Variants in DNAH9 observed in about 807,000 individuals in gnomAD.
DNAH9 encodes the protein DNAH9 variant protein.
A neutral mutation model predicts 471.6 loss-of-function variants in DNAH9; 345 were observed. The observed-to-expected ratio is 0.73, with a 90% CI of 0.67 to 0.80. DNAH9 has a LOEUF of 0.80. Among genes scored for constraint, DNAH9 ranks in the 30% least tolerant of loss-of-function variants. The probability of loss-of-function intolerance (pLI) is 0.00; values close to 1 mark genes in which losing one functional copy is unlikely to be tolerated. For missense variants in DNAH9, 5,407 were observed against 5,609.2 expected, an observed-to-expected ratio of 0.96 and a Z score of 1.15; for synonymous variants, 2,093 against 2,123.6, an observed-to-expected ratio of 0.99 and a Z score of 0.40.
In DNAH9 at chr17:11,934,495, G is replaced by T. The variant is rs571521998; in HGVS notation, c.12489+424G>T. On this transcript the variant is annotated intron_variant, in intron 65 of 68. Transcript: ENST00000262442. ...GAGTCTTGCTCTGGCGCCCAGGCTG[G>T]AGTGCAGTGGCGCTATCTCTGCTCA... is the stretch of plus-strand genomic sequence containing the variant. 6.3e-5 allele frequency among the ~76,000 whole-genome samples: 9 copies of T among 142,594 alleles called. No individual in the cohort carries two copies. The South Asian group carries it at 1.8e-3, about 29-fold the overall frequency. 93.5% of individuals were successfully genotyped at this position (142,594 alleles called of 152,430 possible).
intron 29 of DNAH9, among the ~76,000 whole-genome samples, chr17:11,739,299 G>T (rs60512924): frequency 3.9e-5 from 6 of 152,036 alleles, no homozygotes; most frequent in African/African-American, 1.4e-4. Context: ...TTTTTATTTC[G>T]TAGTCTCTCA....
intron 19 of DNAH9, among the ~76,000 whole-genome samples, 200 bp from the exon 20 acceptor site, chr17:11,689,366 G>GTGTT (rs965566752): frequency 1.4e-5 from 2 of 146,338 alleles, no homozygotes; most frequent in African/African-American, 5.0e-5. Flanking sequence ...TCCTGAGTGT[G>GTGTT]TTTTTTTTTT....
rs370222854 is a variant in DNAH9 at position 11,724,704 on chromosome 17, G to A, written c.5710-3114G>A. ...TTGCAAATGAAATGGAATAATGTAAGGCAGTGGTCCCCAACCTTTTTGGCA... is the reference window on the plus strand; with the variant it reads ...TTGCAAATGAAATGGAATAATGTAAAGCAGTGGTCCCCAACCTTTTTGGCA... On this transcript the variant is annotated intron_variant, in intron 27 of 68. Transcript: ENST00000262442. Among the ~76,000 whole-genome samples, 5 of 152,206 alleles carry A rather than the reference G, an allele frequency of 3.3e-5. No homozygotes were observed. In the South Asian group the frequency reaches 6.2e-4, roughly 19 times the overall value.
chr17:11,688,424 TGAG>T (rs1167824745), intron 19 of DNAH9, among the ~76,000 whole-genome samples: 1 of 152,070 alleles, frequency 6.6e-6, no homozygotes, highest in Non-Finnish European at 1.5e-5. Flanking sequence ...CTCATGAAGA[TGAG>T]GAGCCAGATT....
In DNAH9 at chr17:11,821,848, T is replaced by G. The variant is rs1970319227; in HGVS notation, c.8708-72T>G. On this transcript the variant is annotated intron_variant, in intron 45 of 68. Transcript: ENST00000262442. ...CACTGACCTGTGTCCTAAGGTAGGA[T>G]AACTTCCCATGTCTGATTGCATCAT... 4 of 1,533,326 alleles carry G rather than the reference T, an allele frequency of 2.6e-6. No homozygotes were observed. The East Asian group carries it at 9.0e-5, about 35-fold the overall frequency. The allele number at this position is 1,533,326 out of a possible 1,614,324, so 95.0% of individuals were successfully genotyped here. A position where few individuals can be genotyped will look rare whatever the true frequency, so the allele number is the denominator to read the frequency against.
At chr17:11,739,547 G>T (rs573421981) in intron 29 of DNAH9, among the ~76,000 whole-genome samples, 1 of 152,208 alleles carries the variant, frequency 6.6e-6, no homozygotes, top group East Asian at 1.9e-4. Context: ...CTTCCCAGAA[G>T]TGGAATTACT....
intron 67 of DNAH9, among the ~76,000 whole-genome samples, chr17:11,955,442 C>G (rs749045383): frequency 6.6e-6 from 1 of 151,908 alleles, no homozygotes; most frequent in African/African-American, 2.4e-5. Context: ...TAAATATAAA[C>G]GGCTTAAGTG....
chr17:11,612,210 C>T, intron 4 of DNAH9: 1 of 367,762 alleles, frequency 2.7e-6, no homozygotes. Flanking sequence ...GTGACCAACT[C>T]CAGGGTGGTC....
chr17:11,616,273 T>C (rs2072741404), intron 4 of DNAH9, among the ~76,000 whole-genome samples: 1 of 152,210 alleles, frequency 6.6e-6, no homozygotes, highest in South Asian at 2.1e-4. Context: ...TCATAGATAG[T>C]AAGTAGAACA....
chr17:11,749,589 T>C (rs886819051), intron 32 of DNAH9, among the ~76,000 whole-genome samples: 1 of 151,870 alleles, frequency 6.6e-6, no homozygotes, highest in Non-Finnish European at 1.5e-5. Context: ...TATCATAAAT[T>C]TGGTCAAAAA....
chr17:11,728,159 T>A (rs2075190101), intron 28 of DNAH9, among the ~76,000 whole-genome samples: 1 of 152,186 alleles, frequency 6.6e-6, no homozygotes, highest in African/African-American at 2.4e-5. Flanking sequence ...TGTTTCGTTC[T>A]CTGTAAAATG....
At chr17:11,895,324 C>T (rs987644385) in intron 59 of DNAH9, among the ~76,000 whole-genome samples, 3 of 152,204 alleles carry the variant, frequency 2.0e-5, no homozygotes, top group African/African-American at 7.2e-5. Context: ...AGTGAACACC[C>T]ATGACGGGTT....
At chr17:11,747,430 G>A (rs1359926502) in intron 31 of DNAH9, 126 bp from the exon 32 acceptor site, 4 of 686,964 alleles carry the variant, frequency 5.8e-6, no homozygotes, top group African/African-American at 1.8e-5. Context: ...GACATCTTGG[G>A]GTAGATAACT....
chr17:11,932,163 C>T lies in DNAH9; in HGVS notation c.12255C>T (p.Ile4085=), dbSNP rs773047304. The change falls in exon 64 of 69, where the codon ATC becomes ATT. Residue 4085 remains isoleucine, a synonymous_variant. Transcript: ENST00000262442. This position sits in a 1 kb window ranked among gnomAD's most constrained non-coding sequence, Gnocchi z 4.3. The part of the protein sequence containing the change: ...SYPFNTGDLT[I]SVNVLYNFLE... ...CCTTTAACACTGGAGACCTCACTAT[C>T]TCTGTGAATGTCCTCTACAACTTCC... is the stretch of plus-strand genomic sequence containing the variant. 1 of 1,614,086 alleles carries T rather than the reference C, an allele frequency of 6.2e-7. No homozygotes were observed. The highest frequency in any genetic ancestry group is 1.7e-5 in the Admixed American group (1 of 59,992).
intron 42 of DNAH9, among the ~76,000 whole-genome samples, chr17:11,794,530 C>G (rs765849592): frequency 6.6e-6 from 1 of 152,128 alleles, no homozygotes; most frequent in South Asian, 2.1e-4. Flanking sequence ...CTTCTCCAGG[C>G]GAAATAGCCT....
At chr17:11,609,531 A>T (rs973397835) in intron 2 of DNAH9, among the ~76,000 whole-genome samples, 3 of 152,080 alleles carry the variant, frequency 2.0e-5, no homozygotes, top group Non-Finnish European at 4.4e-5. Context: ...TTCCACAATC[A>T]CTTGTGCCGT....
chr17:11,608,110 C>A lies in DNAH9; in HGVS notation c.418-19C>A. The A allele has an allele frequency of 6.5e-7, 1 of 1,546,358 alleles. No individual in the cohort carries two copies. The highest frequency in any genetic ancestry group is 1.2e-5 in the South Asian group (1 of 82,398). On this transcript the variant is annotated intron_variant, in intron 1 of 68. Transcript: ENST00000262442. Reference sequence around the variant, plus strand: ...GAATTGGAACACCTGCCTTTCTTTCCTGTGCACCTCTGTTCCAGGTTGTTC... The same window carrying A: ...GAATTGGAACACCTGCCTTTCTTTCATGTGCACCTCTGTTCCAGGTTGTTC...
chr17:11,851,673 C>T lies in DNAH9; in HGVS notation c.9508-2330C>T, dbSNP rs180880003. On this transcript the variant is annotated intron_variant, in intron 49 of 68. Coordinates refer to ENST00000262442, the MANE Select transcript of DNAH9 (RefSeq NM_001372.4). ...GGGAGACAGGGAAGGAAGAGAAAGTCCACAGAGCCCTGCCGACAACATTGA... is the reference window on the plus strand; with the variant it reads ...GGGAGACAGGGAAGGAAGAGAAAGTTCACAGAGCCCTGCCGACAACATTGA... Among the ~76,000 whole-genome samples the T allele has an allele frequency of 2.0e-5, 3 of 152,230 alleles. No individual in the cohort carries two copies. The East Asian group carries it at 5.8e-4, about 29-fold the overall frequency.
At chr17:11,624,789 T>A (rs1187060907) in intron 6 of DNAH9, among the ~76,000 whole-genome samples, 1 of 152,178 alleles carries the variant, frequency 6.6e-6, no homozygotes, top group East Asian at 1.9e-4. Context: ...GATCCCAAAC[T>A]GGTTTTGTGG....
Sources: allele counts gnomAD v4.1 joint callset (sites outside exome capture counted in the v4.1 genomes callset), GRCh38; gene constraint gnomAD v4.1.1; non-coding constraint Gnocchi (gnomAD v3.1); transcripts MANE v1.5; gene names NCBI Gene and HGNC (gene_info 2026-07-23, HGNC 2026-07-21).